Variants in KCNN3 observed in about 807,000 individuals in gnomAD.
The protein encoded by KCNN3 is small conductance calcium-activated potassium channel protein 3.
Under a neutral mutation model 62.9 loss-of-function variants are expected in KCNN3, and 16 were observed. The ratio of observed to expected loss-of-function variants is 0.25; its 90% CI spans 0.17 to 0.39. The LOEUF is 0.39. Ranked by LOEUF, KCNN3 falls within the 10% of genes least tolerant of loss-of-function variation. KCNN3 has a pLI of 1.00. For synonymous variants in KCNN3, 370 were observed against 389.2 expected (o/e 0.95, Z 0.58); for missense variants, 599 against 949.4 (o/e 0.63, Z 4.85).
rs1297358461 is a variant in KCNN3 at position 154,705,291 on chromosome 1, AG to A, written c.*2684del. The A allele has an allele frequency of 6.6e-6, 1 of 152,248 alleles. No homozygotes were observed. Among genetic ancestry groups the A allele is most frequent in the Non-Finnish European group, 1.5e-5 (1 of 68,038 alleles). 9.4% of individuals were successfully genotyped at this position (152,248 alleles called of 1,614,324 possible). A position where few individuals can be genotyped will look rare whatever the true frequency, so the allele number is the denominator to read the frequency against. On this transcript the variant is annotated 3_prime_UTR_variant, in exon 8 of 8. Coordinates refer to ENST00000271915, the MANE Select transcript of KCNN3 (RefSeq NM_002249.6). ...GTCATCAAGGGTTGATTGTACTTGC[AG>A]GAGAACGGGTAACTTTCCCACATAA...
intron 2 of KCNN3, among the ~76,000 whole-genome samples, chr1:154,801,937 A>G (rs1008723801): frequency 6.6e-6 from 1 of 152,206 alleles, no homozygotes; most frequent in Non-Finnish European, 1.5e-5. Context: ...GAAGGGGCCA[A>G]CCCACAAGAG....
intron 2 of KCNN3, among the ~76,000 whole-genome samples, chr1:154,796,046 T>G (rs1290229755): frequency 1.3e-5 from 2 of 151,938 alleles, no homozygotes; most frequent in African/African-American, 4.8e-5. Flanking sequence ...GACGATGAGG[T>G]GAGGTGGTGC....
intron 1 of KCNN3, among the ~76,000 whole-genome samples, chr1:154,824,718 A>G (rs1051763600): frequency 6.6e-6 from 1 of 152,230 alleles, no homozygotes; most frequent in Non-Finnish European, 1.5e-5. Flanking sequence ...CAATGAATTG[A>G]CATCAGAATC....
chr1:154,757,916 C>T (rs1463686433), intron 3 of KCNN3, among the ~76,000 whole-genome samples: 4 of 152,168 alleles, frequency 2.6e-5, no homozygotes, highest in African/African-American at 7.2e-5. Flanking sequence ...AAATGTTCTA[C>T]ACTGTGCTAA....
chr1:154,815,085 C>T (rs1650604415), intron 2 of KCNN3, among the ~76,000 whole-genome samples: 1 of 152,314 alleles, frequency 6.6e-6, no homozygotes, highest in Middle Eastern at 3.4e-3. Flanking sequence ...CTTCCATCTG[C>T]TCATCACACC....
chr1:154,763,255 T>G (rs1315904513), intron 3 of KCNN3, among the ~76,000 whole-genome samples: 1 of 152,238 alleles, frequency 6.6e-6, no homozygotes, highest in South Asian at 2.1e-4. Context: ...ATTATGTTTT[T>G]CTGGTTTTTA....
At chr1:154,748,156 GTCTCA>G in intron 3 of KCNN3, among the ~76,000 whole-genome samples, 1 of 152,258 alleles carries the variant, frequency 6.6e-6, no homozygotes, top group South Asian at 2.1e-4. Context: ...TTTAAACCTG[GTCTCA>G]TCTCACTCCC....
chr1:154,824,860 G>A (rs114509837), intron 1 of KCNN3, among the ~76,000 whole-genome samples: 3,322 of 152,198 alleles, frequency 0.022, 110 homozygotes, highest in African/African-American at 0.076. Context: ...CTGCTTCTTG[G>A]TTTTGGCCAG....
At chr1:154,839,555 C>T (rs373650049) in intron 1 of KCNN3, among the ~76,000 whole-genome samples, 17 of 152,302 alleles carry the variant, frequency 1.1e-4, no homozygotes, top group African/African-American at 4.1e-4. Context: ...ACAGGCAATC[C>T]ACAAAGTGGA....
chr1:154,729,775 G>A (rs1043250850), intron 4 of KCNN3, among the ~76,000 whole-genome samples: 2 of 152,192 alleles, frequency 1.3e-5, no homozygotes, highest in South Asian at 4.1e-4. Context: ...CTGACATTAA[G>A]CAGATGTCTT....
chr1:154,751,037 G>A (rs546395050), intron 3 of KCNN3, among the ~76,000 whole-genome samples: 20 of 152,318 alleles, frequency 1.3e-4, no homozygotes, highest in Non-Finnish European at 1.8e-4. Flanking sequence ...GCCAGAAAGC[G>A]GAGAACTGGG....
At chr1:154,828,803 C>A (rs1025154928) in intron 1 of KCNN3, among the ~76,000 whole-genome samples, 6 of 152,236 alleles carry the variant, frequency 3.9e-5, no homozygotes, top group Non-Finnish European at 8.8e-5. Flanking sequence ...TGCAGCTGAT[C>A]CTCAGTCCGG....
intron 2 of KCNN3, among the ~76,000 whole-genome samples, chr1:154,807,578 A>T (rs1238567264): frequency 5.9e-5 from 9 of 152,164 alleles, no homozygotes; most frequent in Admixed American, 3.3e-4. Flanking sequence ...AAGGATGTAA[A>T]CTCCCTGCCT....
chr1:154,846,451 C>T (rs907080376), intron 1 of KCNN3, among the ~76,000 whole-genome samples: 4 of 152,212 alleles, frequency 2.6e-5, no homozygotes, highest in Admixed American at 2.6e-4. Context: ...GAGCCAGGAG[C>T]GTCTGCCCCC....
At position 154,703,652 on chromosome 1, in the gene KCNN3, G is replaced by A. The variant is rs1699910157; in HGVS notation, c.*4324C>T. On this transcript the variant is annotated 3_prime_UTR_variant, in exon 8 of 8. Coordinates refer to ENST00000271915, the MANE Select transcript of KCNN3 (RefSeq NM_002249.6). ...ATGAAACATTGATTCTTAATTTGGAGTGTACTGTTTGTTGAGTTGCACTCT... is the reference window on the plus strand; with the variant it reads ...ATGAAACATTGATTCTTAATTTGGAATGTACTGTTTGTTGAGTTGCACTCT... 6.6e-6 allele frequency: 1 copy of A among 152,230 alleles called. No individual in the cohort carries two copies. Among genetic ancestry groups the A allele is most frequent in the Non-Finnish European group, 1.5e-5 (1 of 68,036 alleles). The allele number at this position is 152,230 out of a possible 1,614,324, so 9.4% of individuals were successfully genotyped here.
At chr1:154,776,938 A>AC (rs1027433267) in intron 2 of KCNN3, among the ~76,000 whole-genome samples, 53 of 151,602 alleles carry the variant, frequency 3.5e-4, no homozygotes, top group African/African-American at 1.2e-3. Context: ...CAGGGTTGGG[A>AC]CCCCCCAACC....
intron 1 of KCNN3, among the ~76,000 whole-genome samples, chr1:154,861,224 C>T (rs936001056): frequency 5.3e-5 from 8 of 151,874 alleles, no homozygotes; most frequent in African/African-American, 1.7e-4. Context: ...CAAAGTGCTG[C>T]GATTACAGGT....
chr1:154,826,621 G>C (rs548062644), intron 1 of KCNN3, among the ~76,000 whole-genome samples: 1 of 151,604 alleles, frequency 6.6e-6, no homozygotes, highest in African/African-American at 2.4e-5. Flanking sequence ...TATCTGCAGC[G>C]AGGCTTCTTA....
rs754531843 is a variant in KCNN3 at position 154,862,186 on chromosome 1, C to T, written c.933+6846G>A. Among the ~76,000 whole-genome samples, 5 of 152,186 alleles carry T rather than the reference C, an allele frequency of 3.3e-5. No individual in the cohort carries two copies. Among genetic ancestry groups the T allele is most frequent in the Non-Finnish European group, 7.3e-5 (5 of 68,032 alleles). On this transcript the variant is annotated intron_variant, in intron 1 of 7. Transcript: ENST00000271915. The surrounding 1 kb of genome is among the most constrained non-coding windows in gnomAD (Gnocchi z 4.1). ...TGAGACCTGAGCTCTCATTCTAGAA[C>T]CCTCTCTTTCCTGAGATGGGCACCT...
Sources: allele counts gnomAD v4.1 joint callset (sites outside exome capture counted in the v4.1 genomes callset), GRCh38; gene constraint gnomAD v4.1.1; non-coding constraint Gnocchi (gnomAD v3.1); transcripts MANE v1.5; gene names NCBI Gene and HGNC (gene_info 2026-07-23, HGNC 2026-07-21).